NRCAM: variants seen among roughly 807,000 people sequenced by gnomAD.
NRCAM encodes NgCAM-related cell adhesion molecule.
NRCAM carries 83 observed loss-of-function variants against 156.5 expected under a neutral mutation model. The ratio of observed to expected loss-of-function variants is 0.53; its 90% confidence interval spans 0.44 to 0.64. The LOEUF (loss-of-function observed/expected upper bound fraction) is 0.64, where lower values mean the gene tolerates loss of function less well. Among genes scored for constraint, NRCAM ranks in the 30% least tolerant of loss-of-function variants. The pLI is 0.00. For synonymous variants in NRCAM, 538 were observed against 563.9 expected, an observed-to-expected ratio of 0.95 and a Z score of 0.65; for missense variants, 1,417 against 1,597.3, an observed-to-expected ratio of 0.89 and a Z score of 1.92.
chr7:108,278,463 C>T (rs879509289), intron 3 of NRCAM, among the ~76,000 whole-genome samples: 20 of 152,172 alleles, frequency 1.3e-4, no homozygotes, highest in African/African-American at 1.9e-4. Context: ...GCCTCAGCAA[C>T]GGCGGACGCC....
At chr7:108,224,564 G>A (rs1177117431) in intron 10 of NRCAM, among the ~76,000 whole-genome samples, 1 of 152,018 alleles carries the variant, frequency 6.6e-6, no homozygotes, top group Non-Finnish European at 1.5e-5. Flanking sequence ...ATCTTCTGAA[G>A]GTTTCTTAGA....
chr7:108,209,479 T>C lies in NRCAM; in HGVS notation c.1017A>G (p.Gln339=), dbSNP rs201660773. The part of the protein sequence containing the change: ...HVSEADSGNY[Q]CIAKNALGAI... ...CTCCTAATGCGTTTTTTGCTATACA[T>C]TGGTAATTTCCAGAGTCTGCTTCTG... The change falls in exon 12 of 33, where the codon CAA becomes CAG. Residue 339 remains glutamine (Q), a synonymous_variant. Transcript: ENST00000379028. 25 of 1,611,732 alleles carry C rather than the reference T, an allele frequency of 1.6e-5. No individual in the cohort carries two copies. In the African/African-American group the frequency reaches 2.4e-4, roughly 15 times the overall value.
At chr7:108,225,763 T>C (rs1456539777) in intron 9 of NRCAM, 62 bp from the exon 10 acceptor site, 3 of 1,024,604 alleles carry the variant, frequency 2.9e-6, no homozygotes, top group Middle Eastern at 4.0e-4. Context: ...CAAAAAGTAT[T>C]GGGCAATAAA....
chr7:108,202,035 G>T (rs558024236), intron 13 of NRCAM, among the ~76,000 whole-genome samples: 2 of 152,240 alleles, frequency 1.3e-5, no homozygotes, highest in African/African-American at 4.8e-5. Context: ...TGGATGGGCT[G>T]GCTAGTGGGT....
intron 3 of NRCAM, among the ~76,000 whole-genome samples, chr7:108,250,425 CAAAAAAAAAAAA>C (rs34274206): frequency 1.7e-3 from 112 of 67,406 alleles, no homozygotes; most frequent in African/African-American, 5.6e-3. Context: ...CATCTTACCT[CAAAAAAAAAAAA>C]AAAAAAAAAA....
At chr7:108,165,427 A>G (rs1342806641) in intron 30 of NRCAM, among the ~76,000 whole-genome samples, 1 of 152,232 alleles carries the variant, frequency 6.6e-6, no homozygotes, top group African/African-American at 2.4e-5. Context: ...CCTGCTGTAT[A>G]GGAGAGCTGA....
In NRCAM at chr7:108,322,922, A is replaced by G. The variant is rs367706267; in HGVS notation, c.-173-10191T>C. On this transcript the variant is annotated intron_variant, in intron 2 of 32. Transcript: ENST00000379028. ...CAAATTATGAATTAAATAGCTTACCAAGTGACATTAAGCAAATTACTTCCT... is the reference window on the plus strand; with the variant it reads ...CAAATTATGAATTAAATAGCTTACCGAGTGACATTAAGCAAATTACTTCCT... Among the ~76,000 whole-genome samples, 120 of 152,356 alleles carry G rather than the reference A, an allele frequency of 7.9e-4. 1 individual carries two copies. Among genetic ancestry groups the G allele is most frequent in the African/African-American group, 2.6e-3 (110 of 41,582 alleles).
rs1006925463 is a variant in NRCAM, at chr7:108,347,325, C to T, written c.-173-34594G>A. On this transcript the variant is annotated intron_variant, in intron 2 of 32. Transcript: ENST00000379028. ...TGCTGGGATTATAGGCGTGAGCCAC[C>T]GCGCCCGGCTTATATTTCTGTTAGA... Among the ~76,000 whole-genome samples the T allele has an allele frequency of 3.3e-5, 5 of 152,132 alleles. No individual in the cohort carries two copies. In the East Asian group the frequency reaches 9.6e-4, roughly 29 times the overall value.
At chr7:108,330,527 C>T (rs192556870) in intron 2 of NRCAM, among the ~76,000 whole-genome samples, 103 of 152,250 alleles carry the variant, frequency 6.8e-4, no homozygotes, top group East Asian at 5.0e-3. Flanking sequence ...CGTTACTTTG[C>T]GGCAGTAGTT....
chr7:108,253,135 A>G lies in NRCAM; in HGVS notation c.-106-12965T>C, dbSNP rs537449075. Among the ~76,000 whole-genome samples the G allele has an allele frequency of 2.6e-5, 4 of 152,338 alleles. No individual in the cohort carries two copies. In the South Asian group the frequency reaches 6.2e-4, roughly 24 times the overall value. On this transcript the variant is annotated intron_variant, in intron 3 of 32. Coordinates refer to ENST00000379028, the MANE Select transcript of NRCAM (RefSeq NM_001037132.4). ...AATGGCTTCAAACATTTTATTAACAATATTTATTGGACACCCATGAAGTTT... is the reference window on the plus strand; with the variant it reads ...AATGGCTTCAAACATTTTATTAACAGTATTTATTGGACACCCATGAAGTTT...
In NRCAM at chr7:108,271,531, T is replaced by G. The variant is rs550862563; in HGVS notation, c.-106-31361A>C. On this transcript the variant is annotated intron_variant, in intron 3 of 32. Coordinates refer to ENST00000379028, the MANE Select transcript of NRCAM (RefSeq NM_001037132.4). Reference sequence around the variant, plus strand: ...TAGCCAACATGGTGAAACTCTCTACTAAAAATACAAAATTAGCCAGGCATG... The same window carrying G: ...TAGCCAACATGGTGAAACTCTCTACGAAAAATACAAAATTAGCCAGGCATG... Among the ~76,000 whole-genome samples, 4 of 152,064 alleles carry G rather than the reference T, an allele frequency of 2.6e-5. No homozygotes were observed. The South Asian group carries it at 8.3e-4, about 32-fold the overall frequency.
chr7:108,286,733 A>G (rs2098115971), intron 3 of NRCAM, among the ~76,000 whole-genome samples: 1 of 152,146 alleles, frequency 6.6e-6, no homozygotes, highest in South Asian at 2.1e-4. Flanking sequence ...ATGGCTGTAG[A>G]TAGAAGAACC....
chr7:108,346,270 T>A (rs1361890699), intron 2 of NRCAM, among the ~76,000 whole-genome samples: 2 of 152,218 alleles, frequency 1.3e-5, no homozygotes, highest in Admixed American at 1.3e-4. Context: ...TTAATTTTCT[T>A]GTTTAAGAAT....
chr7:108,293,663 T>C (rs2098382395), intron 3 of NRCAM, among the ~76,000 whole-genome samples: 1 of 152,184 alleles, frequency 6.6e-6, no homozygotes, highest in Non-Finnish European at 1.5e-5. Flanking sequence ...CTGTGTAAAG[T>C]AACTAAAATT....
intron 18 of NRCAM, 30 bp from the exon 19 acceptor site, chr7:108,191,313 A>C: frequency 6.5e-7 from 1 of 1,536,430 alleles, no homozygotes; most frequent in Non-Finnish European, 8.9e-7. Context: ...AAAGGATTTT[A>C]ATCAAAATTA....
At chr7:108,270,094 A>G (rs181730136) in intron 3 of NRCAM, among the ~76,000 whole-genome samples, 3 of 152,282 alleles carry the variant, frequency 2.0e-5, no homozygotes, top group Admixed American at 6.5e-5. Flanking sequence ...AGCTTTCCCT[A>G]TTTCATAAAT....
chr7:108,218,239 C>T (rs759895819), intron 11 of NRCAM, among the ~76,000 whole-genome samples: 13 of 151,368 alleles, frequency 8.6e-5, no homozygotes, highest in Non-Finnish European at 1.6e-4. Flanking sequence ...CACCCTGCTT[C>T]GGCTCGCCCT....
chr7:108,152,558 G>C lies in NRCAM; in HGVS notation c.3678-2411C>G, dbSNP rs185521757. ...CCTGGGAGGGTTTCAAAGAATAAGT[G>C]ACATGCTCTGACTTATATTTTAAAA... On this transcript the variant is annotated intron_variant, in intron 32 of 32. Transcript: ENST00000379028. Among the ~76,000 whole-genome samples, 432 of 152,050 alleles carry C rather than the reference G, an allele frequency of 2.8e-3. 2 individuals are homozygous for C. The highest frequency in any genetic ancestry group is 0.01 in the African/African-American group (415 of 41,468).
chr7:108,260,480 C>A (rs755902407), intron 3 of NRCAM, among the ~76,000 whole-genome samples: 1 of 152,068 alleles, frequency 6.6e-6, no homozygotes, highest in Non-Finnish European at 1.5e-5. Context: ...ACTGAGCTGC[C>A]GAGTGTGACT....
Sources: gnomAD v4.1 joint callset for allele counts (sites outside exome capture counted in the v4.1 genomes callset) on GRCh38, gnomAD v4.1.1 for gene constraint, MANE v1.5 for transcripts, NCBI Gene and HGNC (gene_info 2026-07-23, HGNC 2026-07-21) for gene names.